Variants in NMNAT1 observed in about 807,000 individuals in gnomAD.
NMNAT1 encodes nicotinamide/nicotinic acid mononucleotide adenylyltransferase 1.
NMNAT1 carries 11 observed loss-of-function variants against 16.7 expected under a neutral mutation model. The ratio of observed to expected loss-of-function variants is 0.66; its 90% confidence interval spans 0.41 to 1.09. The LOEUF is 1.09. Among genes scored for constraint, NMNAT1 ranks in the 50% least tolerant of loss-of-function variants. The pLI is 0.00. For synonymous variants in NMNAT1, 110 were observed against 119.8 expected (o/e 0.92, Z 0.53); for missense variants, 280 against 332.3 (o/e 0.84, Z 1.22).
At chr1:9,969,514 G>T (rs973617700) in intron 1 of NMNAT1, among the ~76,000 whole-genome samples, 1 of 152,146 alleles carries the variant, frequency 6.6e-6, no homozygotes, top group Non-Finnish European at 1.5e-5. Context: ...GTTCATGGGC[G>T]GCTGAGGTGG....
chr1:9,986,261 C>G (rs768123240), downstream of NMNAT1, among the ~76,000 whole-genome samples: 1 of 152,102 alleles, frequency 6.6e-6, no homozygotes, highest in Non-Finnish European at 1.5e-5. Flanking sequence ...ATAATGAGCC[C>G]CTACGTACCC....
chr1:9,962,721 G>T (rs1261129083), intron 1 of NMNAT1, among the ~76,000 whole-genome samples: 2 of 112,314 alleles, frequency 1.8e-5, no homozygotes, highest in Non-Finnish European at 3.3e-5. Context: ...TTGCTCTGTA[G>T]CCCAGGCTGG....
At chr1:9,974,229 T>G (rs1641756561) in intron 2 of NMNAT1, among the ~76,000 whole-genome samples, 1 of 151,960 alleles carries the variant, frequency 6.6e-6, no homozygotes, top group Non-Finnish European at 1.5e-5. Context: ...TTTTTTTTTT[T>G]TTTGTGGAAA....
At chr1:9,981,554 A>G (rs1227687637) in intron 4 of NMNAT1, 2 of 174,418 alleles carry the variant, frequency 1.1e-5, no homozygotes, top group Admixed American at 6.0e-5. Flanking sequence ...TTTGTTTTAT[A>G]GAGATGGGGT....
At chr1:9,944,146 C>T (rs978767427) in intron 1 of NMNAT1, among the ~76,000 whole-genome samples, 3 of 151,976 alleles carry the variant, frequency 2.0e-5, no homozygotes, top group Non-Finnish European at 1.5e-5. Context: ...CTCAGCTACT[C>T]GGGAGGCTGA....
At chr1:9,970,407 A>C (rs780000490) in intron 1 of NMNAT1, among the ~76,000 whole-genome samples, 4 of 152,040 alleles carry the variant, frequency 2.6e-5, no homozygotes, top group Non-Finnish European at 5.9e-5. Context: ...TGAATAAGAA[A>C]TTTTAGGCCA....
At chr1:9,978,753 T>C (rs1184124334) in intron 3 of NMNAT1, among the ~76,000 whole-genome samples, 4 of 152,208 alleles carry the variant, frequency 2.6e-5, no homozygotes, top group African/African-American at 9.6e-5. Context: ...GGCCCACAGT[T>C]GGATCCCACA....
chr1:9,974,308 C>A (rs1641758175), intron 2 of NMNAT1, among the ~76,000 whole-genome samples: 1 of 151,834 alleles, frequency 6.6e-6, no homozygotes, highest in African/African-American at 2.4e-5. Context: ...TCACTGCAGC[C>A]TTTACCTCCC....
chr1:9,970,304 G>C (rs780421086), intron 1 of NMNAT1, among the ~76,000 whole-genome samples: 1 of 152,068 alleles, frequency 6.6e-6, no homozygotes, highest in East Asian at 1.9e-4. Context: ...TTGGATGGAA[G>C]GGATGATGAG....
At chr1:9,957,810 A>G (rs940732952) in intron 1 of NMNAT1, among the ~76,000 whole-genome samples, 1 of 152,124 alleles carries the variant, frequency 6.6e-6, no homozygotes, top group African/African-American at 2.4e-5. Flanking sequence ...TTTTTTTAGA[A>G]TTAAAGTTAT....
the NMNAT1 span, among the ~76,000 whole-genome samples, chr1:9,991,050 C>G: frequency 1.3e-5 from 2 of 152,260 alleles, no homozygotes; most frequent in East Asian, 3.9e-4. Flanking sequence ...GAAGCCATAC[C>G]AACCAGCACG....
chr1:9,956,112 TAGTA>T (rs1641252667), intron 1 of NMNAT1, among the ~76,000 whole-genome samples: 1 of 151,964 alleles, frequency 6.6e-6, no homozygotes, highest in Admixed American at 6.6e-5. Flanking sequence ...CCATAAATAA[TAGTA>T]AGAGTTATTA....
At chr1:9,964,461 C>T (rs1206670869) in intron 1 of NMNAT1, among the ~76,000 whole-genome samples, 3 of 151,596 alleles carry the variant, frequency 2.0e-5, no homozygotes, top group Admixed American at 6.6e-5. Context: ...ATCCTTGAGC[C>T]CAGGAGATCG....
chr1:9,942,930 G>C (rs1006847802), upstream of NMNAT1: 10 of 354,218 alleles, frequency 2.8e-5, no homozygotes, highest in Non-Finnish European at 3.9e-5. Flanking sequence ...CAGCCTTTCT[G>C]AGTTTCTTCC....
chr1:9,960,062 T>C (rs1407240561), intron 1 of NMNAT1, among the ~76,000 whole-genome samples: 2 of 152,200 alleles, frequency 1.3e-5, no homozygotes, highest in Admixed American at 1.3e-4. Flanking sequence ...CTGAGCATCC[T>C]GAAATATGCG....
At chr1:9,996,671 T>C in the NMNAT1 span, among the ~76,000 whole-genome samples, 3 of 152,182 alleles carry the variant, frequency 2.0e-5, no homozygotes, top group Non-Finnish European at 4.4e-5. Flanking sequence ...GCTTTCCCTC[T>C]TCCCTACCTT....
At position 9,965,189 on chromosome 1, in the gene NMNAT1, G is replaced by T. The variant is rs12128632; in HGVS notation, c.-56-6829G>T. On this transcript the variant is annotated intron_variant, in intron 1 of 4. Coordinates refer to ENST00000377205, the MANE Select transcript of NMNAT1 (RefSeq NM_022787.4). ...AAAATTAGCTGGGTGTGGTGGCGTG[G>T]GCCTGTAGTCCCAGATGCTCAGGAG... Among the ~76,000 whole-genome samples, 9 of 148,908 alleles carry T rather than the reference G, an allele frequency of 6.0e-5. No homozygotes were observed. In the East Asian group the frequency reaches 6.2e-4, roughly 10 times the overall value.
the NMNAT1 span, among the ~76,000 whole-genome samples, chr1:9,996,086 C>T: frequency 2.6e-5 from 4 of 151,888 alleles, no homozygotes; most frequent in East Asian, 1.9e-4. Context: ...CCAAGGCGGG[C>T]GGATCACAAG....
the NMNAT1 span, among the ~76,000 whole-genome samples, chr1:9,995,160 G>A: frequency 3.3e-5 from 5 of 152,288 alleles, no homozygotes; most frequent in East Asian, 9.7e-4. Flanking sequence ...ACTTTGGGAG[G>A]CCAAGGTTGG....
Sources: gnomAD v4.1 joint callset for allele counts (sites outside exome capture counted in the v4.1 genomes callset) on GRCh38, gnomAD v4.1.1 for gene constraint, MANE v1.5 for transcripts, NCBI Gene and HGNC (gene_info 2026-07-23, HGNC 2026-07-21) for gene names.